The following CNBD1 variants were observed in gnomAD, a reference collection of about 807,000 sequenced individuals.
CNBD1 encodes the protein cyclic nucleotide-binding domain-containing protein 1.
In CNBD1, 71 loss-of-function variants were observed where a neutral mutation model predicts 54.4. The ratio of observed to expected loss-of-function variants is 1.30; its 90% confidence interval spans 1.08 to 1.59. The LOEUF (loss-of-function observed/expected upper bound fraction) is 1.59. Among genes scored for constraint, CNBD1 ranks in the 40% most tolerant of loss-of-function variants. CNBD1 has a pLI of 0.00. For missense variants in CNBD1, 659 were observed against 518.0 expected, an observed-to-expected ratio of 1.27 and a Z score of -2.64; for synonymous variants, 182 against 170.7, an observed-to-expected ratio of 1.07 and a Z score of -0.51.
chr8:87,179,662 G>A (rs1304973176), intron 4 of CNBD1, among the ~76,000 whole-genome samples: 1 of 152,152 alleles, frequency 6.6e-6, no homozygotes, highest in Admixed American at 6.5e-5. Context: ...TTTTATTAAA[G>A]TTTAAGAGAA....
At chr8:86,938,836 CAA>C (rs1809597669) in intron 3 of CNBD1, among the ~76,000 whole-genome samples, 1 of 152,176 alleles carries the variant, frequency 6.6e-6, no homozygotes, top group South Asian at 2.1e-4. Context: ...AAGAATGCAA[CAA>C]GTTATATATT....
At chr8:86,961,377 C>A (rs1807924776) in intron 4 of CNBD1, among the ~76,000 whole-genome samples, 1 of 152,178 alleles carries the variant, frequency 6.6e-6, no homozygotes, top group Non-Finnish European at 1.5e-5. Context: ...CAAAGGAGAA[C>A]ATCACAAGTT....
At position 87,117,398 on chromosome 8, in the gene CNBD1, CA is replaced by C. The variant is rs57622902; in HGVS notation, c.432-88578del. ...TGAGCAACAGAGCAAGATTCCGTCTCAAAAAAAAAAAAAAAAAGAACTGAGA... is the reference window on the plus strand; with the variant it reads ...TGAGCAACAGAGCAAGATTCCGTCTCAAAAAAAAAAAAAAAAGAACTGAGA... On this transcript the variant is annotated intron_variant, in intron 4 of 10. Transcript: ENST00000518476. 8.3e-3 allele frequency among the ~76,000 whole-genome samples: 889 copies of C among 107,198 alleles called. 4 individuals are homozygous for C. Among genetic ancestry groups the C allele is most frequent in the African/African-American group, 0.015 (413 of 27,892 alleles). 70.3% of individuals were successfully genotyped at this position (107,198 alleles called of 152,430 possible).
intron 5 of CNBD1, among the ~76,000 whole-genome samples, chr8:87,227,877 C>A (rs1333099519): frequency 1.3e-5 from 2 of 148,372 alleles, no homozygotes; most frequent in East Asian, 1.9e-4. Context: ...TTCAGGTACA[C>A]CAGTCAGACG....
chr8:87,277,580 C>T (rs1326638111), intron 6 of CNBD1, among the ~76,000 whole-genome samples: 1 of 151,538 alleles, frequency 6.6e-6, no homozygotes, highest in Admixed American at 6.6e-5. Context: ...ATTTTATAGA[C>T]AGAAATTAGG....
intron 4 of CNBD1, among the ~76,000 whole-genome samples, chr8:87,164,267 A>T (rs757943909): frequency 2.0e-5 from 3 of 151,602 alleles, no homozygotes. Flanking sequence ...TTTTTTTGTA[A>T]AGTCTTTGTC....
intron 5 of CNBD1, among the ~76,000 whole-genome samples, chr8:87,219,157 C>T (rs1482339617): frequency 6.6e-6 from 1 of 151,992 alleles, no homozygotes; most frequent in Non-Finnish European, 1.5e-5. Flanking sequence ...ATACGTGTGT[C>T]ATTTGATAAC....
intron 4 of CNBD1, among the ~76,000 whole-genome samples, chr8:87,152,089 A>G (rs528660721): frequency 4.7e-4 from 71 of 152,268 alleles, no homozygotes; most frequent in African/African-American, 1.7e-3. Context: ...ACAATAAGAG[A>G]AAATTGAAAG....
rs869060076 is a variant in CNBD1 at position 86,894,035 on chromosome 8, A to ATTTTTT, written c.158+6456_158+6461dup. 7.0e-3 allele frequency among the ~76,000 whole-genome samples: 368 copies of ATTTTTT among 52,372 alleles called. 101 individuals carry two copies. The highest frequency in any genetic ancestry group is 7.8e-3 in the South Asian group (7 of 896). 34.4% of individuals were successfully genotyped at this position (52,372 alleles called of 152,430 possible). A position where few individuals can be genotyped will look rare whatever the true frequency, so the allele number is the denominator to read the frequency against. ...TTTATTCATATATTTTAATAGATTA[A>ATTTTTT]TTTTTTTTTTTTTTTTTTTTTTTTT... On this transcript the variant is annotated intron_variant, in intron 2 of 10. Transcript: ENST00000518476.
At chr8:87,006,743 C>T (rs748929164) in intron 4 of CNBD1, among the ~76,000 whole-genome samples, 16 of 152,174 alleles carry the variant, frequency 1.1e-4, no homozygotes, top group Non-Finnish European at 1.8e-4. Flanking sequence ...GACAGATACT[C>T]AAACCATATC....
At chr8:87,378,371 T>C (rs1810995936) in intron 10 of CNBD1, among the ~76,000 whole-genome samples, 1 of 149,640 alleles carries the variant, frequency 6.7e-6, no homozygotes, top group Non-Finnish European at 1.5e-5. Flanking sequence ...TTTCTACATA[T>C]GGCTAGCCAG....
intron 4 of CNBD1, among the ~76,000 whole-genome samples, chr8:87,168,242 A>G (rs1056025331): frequency 6.6e-6 from 1 of 152,056 alleles, no homozygotes; most frequent in Non-Finnish European, 1.5e-5. Context: ...ACACATTTAA[A>G]CATCCATAAA....
At chr8:87,008,441 A>AT (rs1387953684) in intron 4 of CNBD1, among the ~76,000 whole-genome samples, 4 of 151,936 alleles carry the variant, frequency 2.6e-5, no homozygotes, top group African/African-American at 7.2e-5. Context: ...TAACCTTTGC[A>AT]TTTTTTGGCC....
rs901293733 is a variant in CNBD1 at position 87,293,421 on chromosome 8, G to A, written c.1042+6750G>A. Among the ~76,000 whole-genome samples, 5 of 152,042 alleles carry A rather than the reference G, an allele frequency of 3.3e-5. 1 individual carries two copies. The highest frequency in any genetic ancestry group is 7.4e-5 in the Non-Finnish European group (5 of 67,996). The stretch of plus-strand genomic sequence containing the variant: ...TAGCCAGGCACAGTGGCAGGCGCTT[G>A]TAATCCCAGCTACCTAGGAGGCTGA... On this transcript the variant is annotated intron_variant, in intron 8 of 10. Transcript: ENST00000518476.
chr8:87,007,324 A>G lies in CNBD1; in HGVS notation c.431+67570A>G, dbSNP rs1586194466. Among the ~76,000 whole-genome samples the G allele has an allele frequency of 2.6e-5, 4 of 152,302 alleles. 1 individual carries two copies. In the South Asian group the frequency reaches 8.3e-4, roughly 32 times the overall value. On this transcript the variant is annotated intron_variant, in intron 4 of 10. Coordinates refer to ENST00000518476, the MANE Select transcript of CNBD1 (RefSeq NM_173538.3). ...AATCTCATTGGAGATTTGATCCTCAACAAACTATAAGATATTTACAGTACT... is the reference window on the plus strand; with the variant it reads ...AATCTCATTGGAGATTTGATCCTCAGCAAACTATAAGATATTTACAGTACT...
chr8:86,907,883 T>C (rs1047144004), intron 3 of CNBD1, among the ~76,000 whole-genome samples: 1 of 152,166 alleles, frequency 6.6e-6, no homozygotes, highest in African/African-American at 2.4e-5. Flanking sequence ...GAGGAAACTT[T>C]CATGTTAGCA....
intron 3 of CNBD1, among the ~76,000 whole-genome samples, chr8:86,917,252 A>C (rs1361112521): frequency 2.6e-5 from 4 of 152,212 alleles, no homozygotes; most frequent in African/African-American, 9.6e-5. Flanking sequence ...GTTTTGAAAA[A>C]TACTAATGCC....
chr8:86,879,576 G>C (rs1412329082), intron 1 of CNBD1, among the ~76,000 whole-genome samples: 2 of 152,164 alleles, frequency 1.3e-5, no homozygotes, highest in Non-Finnish European at 2.9e-5. Context: ...GTTGTTGAAA[G>C]ATGGCGAGAA....
chr8:86,939,748 A>G lies in CNBD1; in HGVS notation c.425A>G (p.Lys142Arg), dbSNP rs1244079849. The G allele has an allele frequency of 6.5e-7, 1 of 1,526,994 alleles. No homozygotes were observed. The highest frequency in any genetic ancestry group is 8.9e-7 in the Non-Finnish European group (1 of 1,124,354). The allele number at this position is 1,526,994 out of a possible 1,614,324, so 94.6% of individuals were successfully genotyped here. ...TTTGAAGAATTCCTAGCTATCTTAA[A>G]GAAATTGTAAGTATTTAAAATATAT... ...EKFEEFLAIL[K>R]KLPIHRTPYE... Residue 142 changes from lysine to arginine, a missense_variant, in exon 4 of 11, where the codon AAG becomes AGG. Coordinates refer to ENST00000518476, the MANE Select transcript of CNBD1 (RefSeq NM_173538.3).
Sources: gnomAD v4.1 joint callset for allele counts (sites outside exome capture counted in the v4.1 genomes callset) on GRCh38, gnomAD v4.1.1 for gene constraint, MANE v1.5 for transcripts, NCBI Gene and HGNC (gene_info 2026-07-23, HGNC 2026-07-21) for gene names.